The following GPM6A variants were observed in gnomAD, a reference collection of about 807,000 sequenced individuals.
GPM6A encodes the protein glycoprotein M6A.
Under a neutral mutation model 32.1 loss-of-function variants are expected in GPM6A, and 7 were observed. That is an observed-to-expected ratio of 0.22 (90% CI 0.12 to 0.41). The LOEUF (loss-of-function observed/expected upper bound fraction) is 0.41. Among genes scored for constraint, GPM6A ranks in the 10% least tolerant of loss-of-function variants. The pLI, the probability that GPM6A is intolerant of heterozygous loss-of-function variation, is 1.00. For synonymous variants in GPM6A, 130 were observed against 123.4 expected (o/e 1.05, Z -0.35); for missense variants, 235 against 347.2 (o/e 0.68, Z 2.57).
chr4:175,674,252 G>C, intron 2 of GPM6A, among the ~76,000 whole-genome samples: 1 of 152,122 alleles, frequency 6.6e-6, no homozygotes, highest in South Asian at 2.1e-4. Flanking sequence ...ATCTCGGCTC[G>C]CTGCAACTTC....
chr4:175,733,459 C>T (rs560911417), intron 1 of GPM6A, among the ~76,000 whole-genome samples: 6 of 152,170 alleles, frequency 3.9e-5, no homozygotes, highest in Admixed American at 2.0e-4. Flanking sequence ...GCCAAGATTG[C>T]GCCACTGCAC....
chr4:175,822,667 T>TC (rs1469253058), intron 1 of GPM6A, among the ~76,000 whole-genome samples: 1 of 151,866 alleles, frequency 6.6e-6, no homozygotes, highest in Non-Finnish European at 1.5e-5. Context: ...TTTTTGTTTT[T>TC]TGAAAACATT....
chr4:175,978,357 A>G (rs1382442012), intron 1 of GPM6A, among the ~76,000 whole-genome samples: 1 of 152,196 alleles, frequency 6.6e-6, no homozygotes, highest in Non-Finnish European at 1.5e-5. Flanking sequence ...GGGAAAACCA[A>G]TTGCCTGATC....
intron 3 of GPM6A, among the ~76,000 whole-genome samples, chr4:175,655,782 C>T (rs1560855136): frequency 6.6e-6 from 1 of 151,920 alleles, no homozygotes; most frequent in African/African-American, 2.4e-5. Context: ...ATCACTTAAT[C>T]CCTCATAGTC....
intron 1 of GPM6A, among the ~76,000 whole-genome samples, chr4:175,857,486 G>A (rs1443250165): frequency 6.6e-6 from 1 of 151,934 alleles, no homozygotes; most frequent in Non-Finnish European, 1.5e-5. Flanking sequence ...TAAAATGCAA[G>A]CATAAAAATC....
chr4:175,652,590 A>C (rs1393653780), intron 3 of GPM6A, among the ~76,000 whole-genome samples: 2 of 151,878 alleles, frequency 1.3e-5, no homozygotes, highest in African/African-American at 4.8e-5. Flanking sequence ...TATATGGTAA[A>C]ATATTATTTT....
Position 175,671,959 on chromosome 4 carries a change from T to G in GPM6A, c.387+1721A>C, listed in dbSNP as rs370668657. Among the ~76,000 whole-genome samples the G allele has an allele frequency of 9.5e-5, 14 of 147,718 alleles. No individual in the cohort carries two copies. The South Asian group carries it at 1.1e-3, about 11-fold the overall frequency. ...ACCCTTCTGGTCTGTTGGGTGGGAC[T>G]GGTGACACAATTGTTACCATTATAG... On this transcript the variant is annotated intron_variant, in intron 3 of 6. Transcript: ENST00000393658.
intron 1 of GPM6A, among the ~76,000 whole-genome samples, chr4:175,855,545 C>G (rs1736390654): frequency 6.6e-6 from 1 of 152,124 alleles, no homozygotes; most frequent in Non-Finnish European, 1.5e-5. Context: ...GCAAAAGGAA[C>G]TGAACATAAG....
At chr4:175,901,708 C>A (rs1375527208) in intron 1 of GPM6A, among the ~76,000 whole-genome samples, 1 of 144,784 alleles carries the variant, frequency 6.9e-6, no homozygotes, top group Middle Eastern at 3.3e-3. Flanking sequence ...TGTAATGCAA[C>A]CTCCGCCTCC....
intron 1 of GPM6A, among the ~76,000 whole-genome samples, chr4:175,734,758 A>T (rs2111151696): frequency 6.6e-6 from 1 of 152,232 alleles, no homozygotes; most frequent in Middle Eastern, 3.4e-3. Context: ...CTGTAATCCC[A>T]GCTACTCGGG....
intron 1 of GPM6A, among the ~76,000 whole-genome samples, chr4:175,859,559 G>A (rs1736512537): frequency 6.6e-6 from 1 of 152,168 alleles, no homozygotes; most frequent in Non-Finnish European, 1.5e-5. Context: ...TATGTTTACT[G>A]TGTAGCAGAA....
chr4:175,688,128 TTA>T (rs1744094227), intron 2 of GPM6A, among the ~76,000 whole-genome samples: 1 of 152,226 alleles, frequency 6.6e-6, no homozygotes, highest in Admixed American at 6.5e-5. Context: ...TGTAAATATT[TTA>T]TCTCATTCTG....
intron 1 of GPM6A, among the ~76,000 whole-genome samples, chr4:175,757,562 G>C (rs996406949): frequency 6.6e-6 from 1 of 152,170 alleles, no homozygotes; most frequent in African/African-American, 2.4e-5. Flanking sequence ...AGTTCCACTA[G>C]TGCTTTTAGC....
At chr4:175,733,353 G>T (rs891915446) in intron 1 of GPM6A, among the ~76,000 whole-genome samples, 1 of 151,756 alleles carries the variant, frequency 6.6e-6, no homozygotes, top group African/African-American at 2.4e-5. Flanking sequence ...AATACAAAAA[G>T]ATTATCCAGG....
chr4:175,649,455 A>G (rs1362806677), intron 4 of GPM6A, among the ~76,000 whole-genome samples: 1 of 152,146 alleles, frequency 6.6e-6, no homozygotes, highest in Non-Finnish European at 1.5e-5. Context: ...AAACTTGGGG[A>G]AATTTTAAAT....
chr4:175,850,945 C>T (rs930632402), intron 1 of GPM6A, among the ~76,000 whole-genome samples: 6 of 151,746 alleles, frequency 4.0e-5, no homozygotes, highest in Non-Finnish European at 8.8e-5. Context: ...ACTGATTTCC[C>T]TATCATGCAT....
intron 1 of GPM6A, among the ~76,000 whole-genome samples, chr4:175,737,649 T>C (rs577514987): frequency 1.8e-4 from 28 of 152,202 alleles, no homozygotes; most frequent in Non-Finnish European, 3.5e-4. Context: ...GTAAATGTCA[T>C]GAAAACATGT....
chr4:175,638,699 A>C (rs1333561903), intron 6 of GPM6A, among the ~76,000 whole-genome samples: 1 of 152,130 alleles, frequency 6.6e-6, no homozygotes, highest in Non-Finnish European at 1.5e-5. Flanking sequence ...TATTTATTAT[A>C]GTCCACTTTT....
intron 1 of GPM6A, among the ~76,000 whole-genome samples, chr4:175,876,690 T>A (rs1428810110): frequency 6.6e-6 from 1 of 152,126 alleles, no homozygotes; most frequent in Non-Finnish European, 1.5e-5. Context: ...TTTCTCAGTG[T>A]TAGTCCAAAT....
Sources: gnomAD v4.1 joint callset for allele counts (sites outside exome capture counted in the v4.1 genomes callset) on GRCh38, gnomAD v4.1.1 for gene constraint, MANE v1.5 for transcripts, NCBI Gene and HGNC (gene_info 2026-07-23, HGNC 2026-07-21) for gene names.